The following MAP3K19 variants were observed in gnomAD, a reference collection of about 807,000 sequenced individuals.
The protein encoded by MAP3K19 is SPS1/STE20-related protein kinase YSK4.
MAP3K19 carries 91 observed loss-of-function variants against 114.4 expected under a neutral mutation model. That is an observed-to-expected ratio of 0.80 (90% CI 0.67 to 0.95). The LOEUF (loss-of-function observed/expected upper bound fraction) is 0.95. Among genes scored for constraint, MAP3K19 ranks in the 40% least tolerant of loss-of-function variants. MAP3K19 has a pLI of 0.00. For missense variants in MAP3K19, 1,471 were observed against 1,573.2 expected (o/e 0.94, Z 1.10); for synonymous variants, 518 against 530.5 (o/e 0.98, Z 0.32).
intron 9 of MAP3K19, among the ~76,000 whole-genome samples, chr2:134,989,661 G>C (rs1006806403): frequency 6.6e-6 from 1 of 152,216 alleles, no homozygotes; most frequent in Non-Finnish European, 1.5e-5. Flanking sequence ...GGGTCAGGTA[G>C]TTGAGAAACT....
chr2:135,019,795 T>C (rs929621476), intron 5 of MAP3K19, among the ~76,000 whole-genome samples: 1 of 152,198 alleles, frequency 6.6e-6, no homozygotes, highest in Non-Finnish European at 1.5e-5. Context: ...TCCAGTTCTC[T>C]CTCTGTAGGC....
intron 2 of MAP3K19, among the ~76,000 whole-genome samples, chr2:135,037,075 C>A (rs1471825879): frequency 6.6e-6 from 1 of 151,980 alleles, no homozygotes. Flanking sequence ...TGGCTCACTG[C>A]AACCTCTGCC....
intron 1 of MAP3K19, among the ~76,000 whole-genome samples, chr2:135,044,317 G>A (rs536267329): frequency 7.9e-5 from 12 of 152,166 alleles, no homozygotes; most frequent in African/African-American, 2.4e-5. Context: ...GGAGCCAGGC[G>A]CAGTGGCTCA....
At chr2:135,014,483 G>A (rs1477830021) in intron 5 of MAP3K19, among the ~76,000 whole-genome samples, 1 of 152,196 alleles carries the variant, frequency 6.6e-6, no homozygotes, top group Non-Finnish European at 1.5e-5. Context: ...GGTATCCACA[G>A]CCATGCCTGG....
intron 12 of MAP3K19, among the ~76,000 whole-genome samples, chr2:134,968,904 G>A (rs1424248598): frequency 6.6e-5 from 10 of 150,608 alleles, no homozygotes; most frequent in South Asian, 4.2e-4. Context: ...CATCCCAGAC[G>A]ATGGGCGGCC....
chr2:134,992,696 G>T (rs900310296), intron 8 of MAP3K19, among the ~76,000 whole-genome samples: 1 of 151,788 alleles, frequency 6.6e-6, no homozygotes, highest in African/African-American at 2.4e-5. Flanking sequence ...TTGAGACAGG[G>T]TCTCGCTCTG....
chr2:134,995,603 A>T (rs1454261842), intron 8 of MAP3K19, among the ~76,000 whole-genome samples: 1 of 152,246 alleles, frequency 6.6e-6, no homozygotes, highest in Non-Finnish European at 1.5e-5. Flanking sequence ...GGGATGAATT[A>T]GTAACAGATA....
chr2:134,984,994 GC>G (rs1684993081), intron 10 of MAP3K19, among the ~76,000 whole-genome samples: 1 of 152,178 alleles, frequency 6.6e-6, no homozygotes, highest in Non-Finnish European at 1.5e-5. Flanking sequence ...TGGATATAGT[GC>G]AGTATGACCT....
Position 135,015,750 on chromosome 2 carries a change from G to A in MAP3K19, c.138+5965C>T, listed in dbSNP as rs544116693. 1.3e-4 allele frequency among the ~76,000 whole-genome samples: 20 copies of A among 151,932 alleles called. No homozygotes were observed. The East Asian group carries it at 1.5e-3, about 12-fold the overall frequency. On this transcript the variant is annotated intron_variant, in intron 5 of 12. Transcript: ENST00000392915. ...TCTACTAAAAATACAAAAATTAGCC[G>A]GGCATGGTGGTGCATGCTTATAATC...
Position 134,987,943 on chromosome 2 carries a change from G to A in MAP3K19, c.929C>T (p.Ser310Phe), listed in dbSNP as rs1398991601. ...QCLEKEENWK[S>F]KEIEECNKIE... ...TTTGTTACATTCTTCTATTTCCTTGGATTTCCAGTTTTCCTCCTTCTCCAG... is the reference window on the plus strand; with the variant it reads ...TTTGTTACATTCTTCTATTTCCTTGAATTTCCAGTTTTCCTCCTTCTCCAG... The change falls in exon 10 of 13, where the codon TCC becomes TTC. Residue 310 changes from serine (S) to phenylalanine (F), a missense_variant. Physicochemically the swap from Ser to Phe is radical, Grantham distance 155. Coordinates refer to ENST00000392915, the MANE Select transcript of MAP3K19 (RefSeq NM_025052.5). 2 of 1,614,124 alleles carry A rather than the reference G, an allele frequency of 1.2e-6. No individual in the cohort carries two copies. The highest frequency in any genetic ancestry group is 4.5e-5 in the East Asian group (2 of 44,872).
chr2:134,994,486 A>G (rs1427403884), intron 8 of MAP3K19, among the ~76,000 whole-genome samples: 3 of 152,224 alleles, frequency 2.0e-5, no homozygotes, highest in African/African-American at 7.2e-5. Context: ...AGGGCTTGAA[A>G]CAAAGATGCT....
At chr2:134,992,829 C>T (rs1461781295) in intron 8 of MAP3K19, among the ~76,000 whole-genome samples, 1 of 151,992 alleles carries the variant, frequency 6.6e-6, no homozygotes, top group East Asian at 1.9e-4. Context: ...GCCATCATGC[C>T]CGGCTAATTT....
intron 11 of MAP3K19, chr2:134,983,403 A>G: frequency 1.8e-6 from 1 of 554,746 alleles, no homozygotes; most frequent in East Asian, 4.0e-5. Context: ...AGCCAGGCAA[A>G]GAGAGAGAGA....
intron 8 of MAP3K19, among the ~76,000 whole-genome samples, chr2:134,997,297 G>T (rs941517306): frequency 6.6e-6 from 1 of 152,140 alleles, no homozygotes; most frequent in Non-Finnish European, 1.5e-5. Context: ...AATTCGTATT[G>T]AGACAGAAAA....
chr2:135,037,543 T>C (rs983163764), intron 2 of MAP3K19, among the ~76,000 whole-genome samples: 1 of 152,196 alleles, frequency 6.6e-6, no homozygotes, highest in African/African-American at 2.4e-5. Flanking sequence ...GATGCCAAGA[T>C]AGTGTAGAAA....
chr2:134,986,531 C>A lies in MAP3K19; in HGVS notation c.2341G>T (p.Asp781Tyr). Residue 781 changes from aspartate (D) to tyrosine (Y), a missense_variant, in exon 10 of 13, where the codon GAT becomes TAT. Transcript: ENST00000392915. The stretch of plus-strand genomic sequence containing the variant: ...GCCAAGTTCATGGGATGAATTTCAT[C>A]TTTGGAAGATAGAAACTCATTTCCT... Reference protein sequence around the residue: ...SSGNEFLSSKDEIHPMNLAQT... With the variant: ...SSGNEFLSSKYEIHPMNLAQT... The A allele has an allele frequency of 6.2e-7, 1 of 1,614,064 alleles. No homozygotes were observed.
At chr2:134,974,041 G>A (rs1303747602) in intron 12 of MAP3K19, among the ~76,000 whole-genome samples, 1 of 151,344 alleles carries the variant, frequency 6.6e-6, no homozygotes, top group African/African-American at 2.4e-5. Context: ...TGCTGTTGTT[G>A]CCCAGGCTAG....
chr2:135,028,627 C>T (rs1688309823), intron 3 of MAP3K19, among the ~76,000 whole-genome samples: 1 of 151,844 alleles, frequency 6.6e-6, no homozygotes, highest in African/African-American at 2.4e-5. Flanking sequence ...TGGAGGGAGG[C>T]ATATGAATGT....
At chr2:135,043,453 T>C (rs1039169062) in intron 1 of MAP3K19, among the ~76,000 whole-genome samples, 3 of 152,226 alleles carry the variant, frequency 2.0e-5, no homozygotes, top group African/African-American at 7.2e-5. Context: ...CTTTTAAAAA[T>C]TGACTTTATT....
Sources: allele counts gnomAD v4.1 joint callset (sites outside exome capture counted in the v4.1 genomes callset), GRCh38; gene constraint gnomAD v4.1.1; transcripts MANE v1.5; gene names NCBI Gene and HGNC (gene_info 2026-07-23, HGNC 2026-07-21).